Variants in PPP3CC observed in about 807,000 individuals in gnomAD.
PPP3CC encodes the protein serine/threonine-protein phosphatase 2B catalytic subunit gamma isoform.
Under a neutral mutation model 60.3 loss-of-function variants are expected in PPP3CC, and 35 were observed. The observed-to-expected ratio is 0.58, with a 90% CI of 0.44 to 0.77. The LOEUF (loss-of-function observed/expected upper bound fraction) is 0.77, where lower values mean the gene tolerates loss of function less well. Among genes scored for constraint, PPP3CC ranks in the 30% least tolerant of loss-of-function variants. PPP3CC has a pLI of 0.00. For synonymous variants in PPP3CC, 206 were observed against 224.3 expected (o/e 0.92, Z 0.73); for missense variants, 570 against 628.9 (o/e 0.91, Z 1.00).
chr8:22,533,860 G>T (rs113221297), intron 12 of PPP3CC, among the ~76,000 whole-genome samples: 3,007 of 151,278 alleles, frequency 0.02, 112 homozygotes, highest in African/African-American at 0.069. Flanking sequence ...CATATGAAAA[G>T]ATCTTAATAT....
chr8:22,520,639 G>A (rs972319027), intron 6 of PPP3CC, among the ~76,000 whole-genome samples: 1 of 151,950 alleles, frequency 6.6e-6, no homozygotes, highest in African/African-American at 2.4e-5. Context: ...GTATTCTTCA[G>A]CTCCAGGATT....
intron 1 of PPP3CC, among the ~76,000 whole-genome samples, chr8:22,466,152 G>A (rs1346654993): frequency 7.1e-6 from 1 of 139,900 alleles, no homozygotes; most frequent in Non-Finnish European, 1.6e-5. Context: ...CCATGTCCCT[G>A]CAAAGGACAT....
chr8:22,526,455 C>G (rs1839564623), intron 8 of PPP3CC, among the ~76,000 whole-genome samples: 1 of 152,058 alleles, frequency 6.6e-6, no homozygotes, highest in Non-Finnish European at 1.5e-5. Context: ...CAGTGTTAGG[C>G]TTTTTAAGTG....
chr8:22,464,000 C>G (rs186068049), intron 1 of PPP3CC, among the ~76,000 whole-genome samples: 1 of 152,222 alleles, frequency 6.6e-6, no homozygotes, highest in Non-Finnish European at 1.5e-5. Context: ...GTTGGTCAGG[C>G]TGGTCTCGAA....
At chr8:22,512,523 A>G (rs1015035900) in intron 5 of PPP3CC, among the ~76,000 whole-genome samples, 4 of 152,328 alleles carry the variant, frequency 2.6e-5, no homozygotes, top group Non-Finnish European at 4.4e-5. Context: ...CCCTTACAAA[A>G]TTAGCATTCT....
chr8:22,515,578 T>G (rs929422431), intron 6 of PPP3CC, among the ~76,000 whole-genome samples: 2 of 152,208 alleles, frequency 1.3e-5, no homozygotes, highest in African/African-American at 4.8e-5. Flanking sequence ...TACTAAACAT[T>G]CCCACCAATA....
chr8:22,476,088 A>G (rs924296343), intron 3 of PPP3CC, among the ~76,000 whole-genome samples: 1 of 152,242 alleles, frequency 6.6e-6, no homozygotes, highest in African/African-American at 2.4e-5. Context: ...CACTTAATAA[A>G]TGTTCACTGA....
At chr8:22,524,001 C>A (rs1839476361) in intron 8 of PPP3CC, among the ~76,000 whole-genome samples, 1 of 152,166 alleles carries the variant, frequency 6.6e-6, no homozygotes, top group South Asian at 2.1e-4. Flanking sequence ...TTAAGTGTGT[C>A]ACATTTAACA....
intron 3 of PPP3CC, among the ~76,000 whole-genome samples, chr8:22,482,384 TG>T (rs1838095016): frequency 6.6e-6 from 1 of 152,234 alleles, no homozygotes; most frequent in Non-Finnish European, 1.5e-5. Flanking sequence ...TGGGGTTGTT[TG>T]TTTTTTTCTT....
chr8:22,466,217 T>C (rs1490146504), intron 1 of PPP3CC, among the ~76,000 whole-genome samples: 1 of 152,222 alleles, frequency 6.6e-6, no homozygotes, highest in African/African-American at 2.4e-5. Context: ...GTGCCACGTT[T>C]TCTTTATCCA....
intron 6 of PPP3CC, among the ~76,000 whole-genome samples, chr8:22,514,138 T>C (rs192316261): frequency 1.3e-5 from 2 of 151,710 alleles, no homozygotes; most frequent in East Asian, 1.9e-4. Flanking sequence ...TCCCAGCTAA[T>C]TGGGAGACTT....
intron 12 of PPP3CC, among the ~76,000 whole-genome samples, chr8:22,535,173 C>T (rs534704177): frequency 1.3e-5 from 2 of 152,280 alleles, no homozygotes; most frequent in Admixed American, 6.5e-5. Context: ...GGGAGTTTGC[C>T]TCTTTCCCTG....
At chr8:22,522,139 GCACA>G (rs35520234) in intron 6 of PPP3CC, among the ~76,000 whole-genome samples, 64,981 of 148,818 alleles carry the variant, frequency 0.44, 13,969 homozygotes, top group East Asian at 0.55. Context: ...ACACACACAC[GCACA>G]CACACACACA....
intron 1 of PPP3CC, among the ~76,000 whole-genome samples, chr8:22,465,838 C>A (rs1837503645): frequency 6.6e-6 from 1 of 151,862 alleles, no homozygotes; most frequent in African/African-American, 2.4e-5. Context: ...TTAGTTTTTG[C>A]TTTTTTTAAA....
intron 9 of PPP3CC, among the ~76,000 whole-genome samples, chr8:22,528,011 A>G (rs1839606282): frequency 2.0e-5 from 3 of 152,204 alleles, no homozygotes; most frequent in South Asian, 4.1e-4. Flanking sequence ...GTAAATATCA[A>G]TTTAAAGTAG....
chr8:22,478,976 T>G (rs1441100588), intron 3 of PPP3CC, among the ~76,000 whole-genome samples: 2 of 152,190 alleles, frequency 1.3e-5, no homozygotes, highest in Non-Finnish European at 2.9e-5. Context: ...GAATCAAAAC[T>G]TTAAGGTGAC....
intron 1 of PPP3CC, among the ~76,000 whole-genome samples, chr8:22,469,628 C>T (rs1175387457): frequency 6.6e-6 from 1 of 151,994 alleles, no homozygotes; most frequent in African/African-American, 2.4e-5. Context: ...GTTGTTGGAA[C>T]TAAGTCATAC....
chr8:22,443,606 A>G (rs1402547813), intron 1 of PPP3CC, among the ~76,000 whole-genome samples: 1 of 151,852 alleles, frequency 6.6e-6, no homozygotes, highest in Admixed American at 6.6e-5. Flanking sequence ...ATCCTGCAGG[A>G]TGCAAATTTG....
At chr8:22,507,836 G>C (rs1838970280) in intron 4 of PPP3CC, among the ~76,000 whole-genome samples, 1 of 152,130 alleles carries the variant, frequency 6.6e-6, no homozygotes, top group South Asian at 2.1e-4. Context: ...TGTGGAGGGG[G>C]CTGCAGTTCT....
Sources: gnomAD v4.1 joint callset for allele counts (sites outside exome capture counted in the v4.1 genomes callset) on GRCh38, gnomAD v4.1.1 for gene constraint, MANE v1.5 for transcripts, NCBI Gene and HGNC (gene_info 2026-07-23, HGNC 2026-07-21) for gene names.